POTEB3: variants seen among roughly 807,000 people sequenced by gnomAD.
POTEB3 encodes ANKRD26-like family B member 1.
POTEB3 carries 5 observed loss-of-function variants against 39.8 expected under a neutral mutation model. The ratio of observed to expected loss-of-function variants is 0.13; its 90% CI spans 0.07 to 0.26. The LOEUF is 0.26. Ranked by LOEUF, POTEB3 falls within the 10% of genes least tolerant of loss-of-function variation. The pLI, the probability that POTEB3 is intolerant of heterozygous loss-of-function variation, is 1.00. For synonymous variants in POTEB3, 5 were observed against 161.5 expected (o/e 0.03, Z 7.35); for missense variants, 24 against 475.6 (o/e 0.05, Z 8.83).
intron 4 of POTEB3, among the ~76,000 whole-genome samples, chr15:21,430,942 T>C (rs1360666468): frequency 5.9e-5 from 9 of 151,782 alleles, no homozygotes; most frequent in African/African-American, 2.2e-4. Flanking sequence ...CTTTGAAGGA[T>C]ATATTCTCCT....
chr15:21,424,443 C>CTTT (rs1898596702), intron 6 of POTEB3, among the ~76,000 whole-genome samples: 1 of 110,566 alleles, frequency 9.0e-6, no homozygotes, highest in East Asian at 2.3e-4. Context: ...ACAAAAAATA[C>CTTT]TCTTTCTCTT....
intron 8 of POTEB3, among the ~76,000 whole-genome samples, 182 bp from the exon 9 acceptor site, chr15:21,419,812 C>A (rs1188615942): frequency 7.1e-6 from 1 of 140,080 alleles, no homozygotes; most frequent in South Asian, 2.2e-4. Context: ...ATTATCATGT[C>A]ATTAGTATAT....
chr15:21,422,696 C>G (rs1346494178), intron 6 of POTEB3, among the ~76,000 whole-genome samples: 1 of 149,768 alleles, frequency 6.7e-6, no homozygotes, highest in African/African-American at 2.5e-5. Context: ...CCTTTACCAT[C>G]TCCCCTCCCC....
intron 6 of POTEB3, chr15:21,426,298 T>A (rs1371858242): frequency 5.1e-6 from 2 of 392,272 alleles, no homozygotes; most frequent in African/African-American, 4.3e-5. Context: ...CATACCTACT[T>A]TTTTTCAAAA....
intron 6 of POTEB3, chr15:21,425,076 G>A (rs1483284624): frequency 1.4e-5 from 2 of 146,064 alleles, no homozygotes; most frequent in East Asian, 4.0e-4. Context: ...AGAATACATT[G>A]ATACTAGTCC....
At chr15:21,433,239 C>T (rs1253928406) in intron 3 of POTEB3, among the ~76,000 whole-genome samples, 14 of 151,220 alleles carry the variant, frequency 9.3e-5, no homozygotes, top group South Asian at 4.2e-4. Flanking sequence ...GGAGTGTATC[C>T]GGATTTTGAG....
chr15:21,414,509 A>T (rs1487194777), intron 9 of POTEB3, among the ~76,000 whole-genome samples: 1 of 94,750 alleles, frequency 1.1e-5, no homozygotes, highest in Admixed American at 9.1e-5. Flanking sequence ...ACTTGTACCA[A>T]TGGTAACAAC....
chr15:21,434,030 AACAC>A (rs60010729), intron 3 of POTEB3, among the ~76,000 whole-genome samples: 2,229 of 118,786 alleles, frequency 0.019, 33 homozygotes, highest in East Asian at 0.032. Flanking sequence ...CAACAATAAC[AACAC>A]ACACACACAC....
In POTEB3 at chr15:21,410,728, T is replaced by G. The variant is rs1328622500; in HGVS notation, c.1533+150A>C. On this transcript the variant is annotated intron_variant, in intron 10 of 10. Coordinates refer to ENST00000611217, the MANE Select transcript of POTEB3 (RefSeq NM_207355.5). ...TATATGACCAAGGATATACAGGGGG[T>G]GTGTGTGTGTGTGTGTATATATACA... The G allele has an allele frequency of 5.4e-4, 150 of 275,898 alleles. 38 individuals carry two copies. In the African/African-American group the frequency reaches 8.3e-3, roughly 15 times the overall value. The allele number at this position is 275,898 out of a possible 1,614,324, so 17.1% of individuals were successfully genotyped here. A position where few individuals can be genotyped will look rare whatever the true frequency, so the allele number is the denominator to read the frequency against.
chr15:21,426,489 G>T (rs1340878092), intron 6 of POTEB3, among the ~76,000 whole-genome samples: 1 of 147,984 alleles, frequency 6.8e-6, no homozygotes. Flanking sequence ...TGTAGCATTA[G>T]AAAAATGATT....
intron 6 of POTEB3, among the ~76,000 whole-genome samples, chr15:21,423,122 G>A (rs1441383904): frequency 5.6e-5 from 8 of 142,714 alleles, no homozygotes; most frequent in African/African-American, 1.8e-4. Flanking sequence ...TTTTGTTTTA[G>A]CTGGGGTCTT....
chr15:21,434,401 A>G (rs1899108723), intron 3 of POTEB3, among the ~76,000 whole-genome samples: 1 of 117,162 alleles, frequency 8.5e-6, no homozygotes, highest in South Asian at 2.6e-4. Context: ...TTGAAAAAAA[A>G]AAAGTATTAC....
intron 6 of POTEB3, among the ~76,000 whole-genome samples, chr15:21,422,477 A>G: frequency 7.6e-6 from 1 of 131,280 alleles, no homozygotes; most frequent in Non-Finnish European, 1.6e-5. Context: ...GTAACTCAGT[A>G]TGTTGTTCAC....
At chr15:21,429,676 C>CT (rs1898881619) in intron 5 of POTEB3, among the ~76,000 whole-genome samples, 1 of 21,756 alleles carries the variant, frequency 4.6e-5, no homozygotes, top group Admixed American at 5.2e-4. Flanking sequence ...GGATCTGAAT[C>CT]AGTAAGGGCA....
At chr15:21,413,506 TTATATATATATATATATATA>T (rs1160375320) in intron 9 of POTEB3, among the ~76,000 whole-genome samples, 20 of 1,452 alleles carry the variant, frequency 0.014, 3 homozygotes, top group East Asian at 0.067. Context: ...ATAAAGAAAA[TTATATATATATATATATATA>T]TATATATATA....
At chr15:21,433,293 G>A (rs1424312003) in intron 3 of POTEB3, among the ~76,000 whole-genome samples, 1 of 150,736 alleles carries the variant, frequency 6.6e-6, no homozygotes, top group Non-Finnish European at 1.5e-5. Flanking sequence ...TCATTATGTT[G>A]ACCAGGCTAG....
chr15:21,413,538 A>ATAT lies in POTEB3; in HGVS notation c.1410-2540_1410-2538dup, dbSNP rs1555369169. Among the ~76,000 whole-genome samples the ATAT allele has an allele frequency of 3.9e-4, 10 of 25,650 alleles. 4 individuals are homozygous for ATAT. The highest frequency in any genetic ancestry group is 1.5e-3 in the Admixed American group (5 of 3,294). 16.8% of individuals were successfully genotyped at this position (25,650 alleles called of 152,430 possible). ...TATATATATATATATATATATATAT[A>ATAT]TATATATATATATATGTATGTATGT... is the stretch of plus-strand genomic sequence containing the variant. On this transcript the variant is annotated intron_variant, in intron 9 of 10. Transcript: ENST00000611217.
chr15:21,434,335 G>A (rs1264390226), intron 3 of POTEB3, among the ~76,000 whole-genome samples: 4 of 126,688 alleles, frequency 3.2e-5, no homozygotes, highest in Non-Finnish European at 6.6e-5. Flanking sequence ...CCTATTTCCA[G>A]GGCAAATTTT....
intron 6 of POTEB3, chr15:21,425,129 C>T (rs1455037155): frequency 1.4e-5 from 2 of 141,610 alleles, no homozygotes; most frequent in East Asian, 2.0e-4. Flanking sequence ...ACTGCAAAAG[C>T]TTCCTTTGTC....
Sources: gnomAD v4.1 joint callset for allele counts (sites outside exome capture counted in the v4.1 genomes callset) on GRCh38, gnomAD v4.1.1 for gene constraint, MANE v1.5 for transcripts, NCBI Gene and HGNC (gene_info 2026-07-23, HGNC 2026-07-21) for gene names.